The following BTG4 variants were observed in gnomAD, a reference collection of about 807,000 sequenced individuals.
BTG4 encodes the protein BTG anti-proliferation factor 4, also known as protein BTG4.
In BTG4, 10 loss-of-function variants were observed where a neutral mutation model predicts 19.3. The observed-to-expected ratio is 0.52, with a 90% CI of 0.32 to 0.88. The LOEUF is 0.88. Among genes scored for constraint, BTG4 ranks in the 40% least tolerant of loss-of-function variants. The pLI is 0.04. For synonymous variants in BTG4, 91 were observed against 95.7 expected (o/e 0.95, Z 0.29); for missense variants, 238 against 281.9 (o/e 0.84, Z 1.11).
the BTG4 span, among the ~76,000 whole-genome samples, chr11:111,410,193 T>TA: frequency 6.6e-6 from 1 of 152,026 alleles, no homozygotes; most frequent in Non-Finnish European, 1.5e-5. Flanking sequence ...CTTTTTTTTT[T>TA]TATACAGGGT....
the BTG4 span, among the ~76,000 whole-genome samples, chr11:111,435,601 G>C: frequency 6.6e-6 from 1 of 152,192 alleles, no homozygotes; most frequent in Non-Finnish European, 1.5e-5. Flanking sequence ...GCCCTGGGAA[G>C]AGCAAACAAG....
intron 5 of BTG4, among the ~76,000 whole-genome samples, chr11:111,472,670 A>C (rs1236238055): frequency 6.6e-6 from 1 of 152,176 alleles, no homozygotes; most frequent in Non-Finnish European, 1.5e-5. Context: ...CCTACTCAGC[A>C]GCTTTCTCTT....
chr11:111,410,965 T>G, the BTG4 span, among the ~76,000 whole-genome samples: 1 of 152,192 alleles, frequency 6.6e-6, no homozygotes, highest in Non-Finnish European at 1.5e-5. Context: ...ATGTCTAATA[T>G]ACAACTACTT....
At chr11:111,508,371 T>C (rs183656069) in intron 1 of BTG4, among the ~76,000 whole-genome samples, 2 of 152,022 alleles carry the variant, frequency 1.3e-5, no homozygotes, top group African/African-American at 4.8e-5. Flanking sequence ...CTGGGCTTTT[T>C]TTTTTTTGGT....
At chr11:111,425,911 G>A in the BTG4 span, among the ~76,000 whole-genome samples, 1 of 152,126 alleles carries the variant, frequency 6.6e-6, no homozygotes, top group Non-Finnish European at 1.5e-5. Flanking sequence ...CACACCTGCA[G>A]TCCCAGCTAC....
At chr11:111,454,289 G>A in the BTG4 span, 565 of 456,416 alleles carry the variant, frequency 1.2e-3, no homozygotes, top group Non-Finnish European at 2.1e-3. Context: ...TGACACAGAG[G>A]CCTTCTTTGG....
At chr11:111,466,448 TC>T (rs1863722622), downstream of BTG4, among the ~76,000 whole-genome samples, 2 of 152,212 alleles carry the variant, frequency 1.3e-5, no homozygotes, top group Non-Finnish European at 2.9e-5. Flanking sequence ...TCCAAGCAAC[TC>T]AAGGAAATAG....
the BTG4 span, among the ~76,000 whole-genome samples, chr11:111,423,118 G>T: frequency 6.6e-6 from 1 of 152,046 alleles, no homozygotes; most frequent in South Asian, 2.1e-4. Flanking sequence ...GACCCCTGTT[G>T]GCCACTCCTA....
chr11:111,425,926 G>C, the BTG4 span, among the ~76,000 whole-genome samples: 1 of 152,192 alleles, frequency 6.6e-6, no homozygotes, highest in South Asian at 2.1e-4. Flanking sequence ...AGCTACTCGG[G>C]AGGCTGAGGT....
intron 1 of BTG4, among the ~76,000 whole-genome samples, chr11:111,505,276 T>C (rs1866371008): frequency 6.6e-6 from 1 of 151,814 alleles, no homozygotes; most frequent in African/African-American, 2.4e-5. Flanking sequence ...AACCCAGAGA[T>C]TAATGGTACA....
intron 5 of BTG4, among the ~76,000 whole-genome samples, chr11:111,470,402 C>G (rs373321625): frequency 1.9e-4 from 29 of 152,120 alleles, no homozygotes; most frequent in East Asian, 9.6e-4. Context: ...AATAAAAATC[C>G]TATTCTACAG....
At chr11:111,470,791 C>A (rs1469869187) in intron 5 of BTG4, among the ~76,000 whole-genome samples, 1 of 151,960 alleles carries the variant, frequency 6.6e-6, no homozygotes, top group African/African-American at 2.4e-5. Flanking sequence ...GGCATGGTGG[C>A]ACATACCTGT....
the BTG4 span, chr11:111,448,689 C>G: frequency 6.6e-6 from 1 of 152,580 alleles, no homozygotes; most frequent in African/African-American, 2.4e-5. Context: ...GGCAGGGGGG[C>G]CCAAGGACAG....
the BTG4 span, among the ~76,000 whole-genome samples, chr11:111,421,553 T>C: frequency 0.91 from 138,711 of 152,286 alleles, 63,668 homozygotes; most frequent in East Asian, 1. Context: ...GGCATAGACC[T>C]GCCCAGCTTG....
the BTG4 span, among the ~76,000 whole-genome samples, chr11:111,445,633 T>C: frequency 6.6e-6 from 1 of 152,196 alleles, no homozygotes; most frequent in African/African-American, 2.4e-5. Flanking sequence ...CAGAGAACAA[T>C]TGTTCTCTAA....
At chr11:111,437,534 T>G in the BTG4 span, among the ~76,000 whole-genome samples, 1 of 152,214 alleles carries the variant, frequency 6.6e-6, no homozygotes, top group Non-Finnish European at 1.5e-5. Context: ...ACTTGAGGAC[T>G]GGTGTGGCTC....
At chr11:111,467,936 T>C (rs781325270) in intron 5 of BTG4, among the ~76,000 whole-genome samples, 7 of 152,196 alleles carry the variant, frequency 4.6e-5, no homozygotes, top group Non-Finnish European at 1.0e-4. Flanking sequence ...GTATTTCCTA[T>C]AAGAGTCATG....
At chr11:111,456,616 G>A in the BTG4 span, 29 of 450,748 alleles carry the variant, frequency 6.4e-5, no homozygotes, top group Admixed American at 1.7e-4. This position sits in a 1 kb window ranked among gnomAD's most constrained non-coding sequence, Gnocchi z 4.2. Flanking sequence ...CAGCGGCCAC[G>A]CAGGCTCCAT....
At chr11:111,427,235 A>C in the BTG4 span, among the ~76,000 whole-genome samples, 8 of 152,202 alleles carry the variant, frequency 5.3e-5, no homozygotes, top group African/African-American at 1.7e-4. Context: ...GAAAGGTGAG[A>C]TCCATTCACA....
Sources: gnomAD v4.1 joint callset for allele counts (sites outside exome capture counted in the v4.1 genomes callset) on GRCh38, gnomAD v4.1.1 for gene constraint, Gnocchi (gnomAD v3.1) non-coding constraint, MANE v1.5 for transcripts, NCBI Gene and HGNC (gene_info 2026-07-23, HGNC 2026-07-21) for gene names.